Variants in FRMPD1 observed in about 807,000 individuals in gnomAD.
FRMPD1 encodes the protein FERM and PDZ domain-containing protein 1.
In FRMPD1, 76 loss-of-function variants were observed where a neutral mutation model predicts 117.8. The ratio of observed to expected loss-of-function variants is 0.65; its 90% CI spans 0.54 to 0.78. The LOEUF is 0.78. FRMPD1 is among the 30% of genes least tolerant of loss of function. The pLI, the probability that FRMPD1 is intolerant of heterozygous loss-of-function variation, is 0.00. For synonymous variants in FRMPD1, 783 were observed against 770.4 expected (o/e 1.02, Z -0.27); for missense variants, 1,786 against 1,964.5 (o/e 0.91, Z 1.72).
In FRMPD1 at chr9:37,732,288, A is replaced by G. The variant is rs767155860; in HGVS notation, c.859-16A>G. ...TCTGCTTTTGTTTCCCATCTGCTCT[A>G]TTTAATCTCTTCTAGAGCTGCAGCG... On this transcript the variant is annotated splice_polypyrimidine_tract_variant and intron_variant, in intron 9 of 15. Transcript: ENST00000377765. 4.3e-6 allele frequency: 7 copies of G among 1,612,344 alleles called. No individual in the cohort carries two copies. Among genetic ancestry groups the G allele is most frequent in the African/African-American group, 1.3e-5 (1 of 74,910 alleles).
At chr9:37,733,152 C>T (rs1823965994) in intron 10 of FRMPD1, among the ~76,000 whole-genome samples, 1 of 152,104 alleles carries the variant, frequency 6.6e-6, no homozygotes, top group Admixed American at 6.6e-5. Flanking sequence ...CTTGTACTCT[C>T]TTGTATGCTG....
chr9:37,723,058 C>T (rs1823467187), intron 6 of FRMPD1, among the ~76,000 whole-genome samples: 2 of 152,092 alleles, frequency 1.3e-5, no homozygotes, highest in African/African-American at 4.8e-5. Context: ...CCTCATGCAT[C>T]TAGGGTGATA....
chr9:37,692,014 A>G (rs1490233030), intron 1 of FRMPD1, among the ~76,000 whole-genome samples: 2 of 152,230 alleles, frequency 1.3e-5, no homozygotes, highest in Non-Finnish European at 1.5e-5. Context: ...GCAAGGAAGG[A>G]TATAAGACAG....
At chr9:37,683,181 A>C (rs1821790231) in intron 1 of FRMPD1, among the ~76,000 whole-genome samples, 1 of 152,238 alleles carries the variant, frequency 6.6e-6, no homozygotes, top group Non-Finnish European at 1.5e-5. Flanking sequence ...TTCACTTAGC[A>C]TAATGCTTTC....
intron 8 of FRMPD1, 52 bp downstream of exon 8, chr9:37,729,905 A>C: frequency 6.3e-7 from 1 of 1,588,340 alleles, no homozygotes; most frequent in East Asian, 2.2e-5. Context: ...GGCTGGCTGC[A>C]TACCTCAGCC....
rs763201256 is a variant in FRMPD1, at chr9:37,735,621, A to C, written c.1288A>C (p.Ser430Arg). The C allele has an allele frequency of 6.2e-7, 1 of 1,613,664 alleles. No individual in the cohort carries two copies. The highest frequency in any genetic ancestry group is 1.3e-5 in the African/African-American group (1 of 74,914). ...AKYGISQVIN[S>R]KLNIMSTLAE... ...GTATGGGATTAGCCAGGTTATCAAT[A>C]GCAAACTCAACATCATGTCCACATT... The change falls in exon 13 of 16, where the codon AGC (serine) becomes CGC (arginine). Residue 430 changes from serine (S) to arginine (R), a missense_variant. Ser to Arg is a moderately radical substitution (Grantham distance 110). Coordinates refer to ENST00000377765, the MANE Select transcript of FRMPD1 (RefSeq NM_014907.3).
At chr9:37,651,388 G>C (rs919767376) in intron 1 of FRMPD1, among the ~76,000 whole-genome samples, 1 of 152,214 alleles carries the variant, frequency 6.6e-6, no homozygotes, top group Admixed American at 6.5e-5. Context: ...GAGAGACCTG[G>C]GTTCAGGTGC....
intron 1 of FRMPD1, among the ~76,000 whole-genome samples, chr9:37,671,437 A>G (rs1370915663): frequency 1.3e-5 from 2 of 152,166 alleles, no homozygotes; most frequent in Non-Finnish European, 2.9e-5. Context: ...AGTTAGCACC[A>G]TTGATTTTAG....
At chr9:37,632,393 A>G in the FRMPD1 span, among the ~76,000 whole-genome samples, 1 of 152,220 alleles carries the variant, frequency 6.6e-6, no homozygotes, top group Non-Finnish European at 1.5e-5. Flanking sequence ...TTAAACAAAA[A>G]TGGAATTTAC....
rs760279541 is a variant in FRMPD1 at position 37,740,941 on chromosome 9, G to C, written c.2356+57G>C. 1.5e-6 allele frequency: 2 copies of C among 1,360,214 alleles called. No individual in the cohort carries two copies. Among genetic ancestry groups the C allele is most frequent in the African/African-American group, 2.8e-5 (2 of 70,228 alleles). 84.3% of individuals were successfully genotyped at this position (1,360,214 alleles called of 1,614,324 possible). On this transcript the variant is annotated intron_variant, in intron 15 of 15. Transcript: ENST00000377765. The surrounding 1 kb of genome is among the most constrained non-coding windows in gnomAD (Gnocchi z 4.2). Reference sequence around the variant, plus strand: ...GCAGGCAGCTCCTGAGTGCCTCCCGGGGATCAAGGCCTGGGGCCAAGCTTG... The same window carrying C: ...GCAGGCAGCTCCTGAGTGCCTCCCGCGGATCAAGGCCTGGGGCCAAGCTTG...
At chr9:37,690,540 G>A (rs1282736946) in intron 1 of FRMPD1, among the ~76,000 whole-genome samples, 1 of 152,178 alleles carries the variant, frequency 6.6e-6, no homozygotes, top group Non-Finnish European at 1.5e-5. Flanking sequence ...TGGAAACTTT[G>A]TATGATGGGT....
chr9:37,731,094 C>G lies in FRMPD1; in HGVS notation c.849C>G (p.Leu283=), dbSNP rs745751131. ...AAGACCCCGTGGCCTTTGAATACCT[C>G]TATCTGCAGGTGACTGGGTCTGTGC... ...LKEDPVAFEY[L]YLQSCSDVLQ... is the part of the protein sequence containing the mutation. The change falls in exon 9 of 16, where the codon CTC becomes CTG. Residue 283 remains leucine (L), a synonymous_variant. Transcript: ENST00000377765. The G allele has an allele frequency of 1.2e-6, 2 of 1,613,282 alleles. No individual in the cohort carries two copies. The highest frequency in any genetic ancestry group is 2.7e-5 in the African/African-American group (2 of 74,916).
chr9:37,667,798 G>A (rs1001544272), intron 1 of FRMPD1, among the ~76,000 whole-genome samples: 7 of 152,120 alleles, frequency 4.6e-5, no homozygotes, highest in African/African-American at 1.4e-4. Flanking sequence ...TTTATCCAGA[G>A]TATTCTTTGT....
chr9:37,679,388 A>G (rs757159192), intron 1 of FRMPD1, among the ~76,000 whole-genome samples: 4 of 152,220 alleles, frequency 2.6e-5, no homozygotes, highest in African/African-American at 4.8e-5. Context: ...TTCATATACC[A>G]TGCAATTTAC....
chr9:37,717,369 G>GTGTGTGTATA (rs1407798527), intron 5 of FRMPD1, among the ~76,000 whole-genome samples: 43 of 94,132 alleles, frequency 4.6e-4, no homozygotes, highest in Non-Finnish European at 6.5e-4. Context: ...GTGTGTGTGT[G>GTGTGTGTATA]TATATATATA....
chr9:37,716,890 C>T (rs1330033176), intron 5 of FRMPD1, among the ~76,000 whole-genome samples: 1 of 152,188 alleles, frequency 6.6e-6, no homozygotes, highest in East Asian at 1.9e-4. Flanking sequence ...TGCCTGATAT[C>T]TGATGACACC....
chr9:37,723,230 A>G (rs1166848233), intron 6 of FRMPD1, among the ~76,000 whole-genome samples: 1 of 152,160 alleles, frequency 6.6e-6, no homozygotes, highest in African/African-American at 2.4e-5. Flanking sequence ...CCCATGTTGA[A>G]CAGTGTGCAT....
At position 37,740,400 on chromosome 9, in the gene FRMPD1, G is replaced by T. The variant is rs1824334547; in HGVS notation, c.1872G>T (p.Arg624Ser). The T allele has an allele frequency of 6.2e-7, 1 of 1,614,016 alleles. No homozygotes were observed. The highest frequency in any genetic ancestry group is 8.5e-7 in the Non-Finnish European group (1 of 1,179,984). The change falls in exon 15 of 16, where the codon AGG (arginine) becomes AGT (serine). Residue 624 changes from arginine (R) to serine (S), a missense_variant. Transcript: ENST00000377765. The surrounding 1 kb of genome is among the most constrained non-coding windows in gnomAD (Gnocchi z 4.2). Reference protein sequence around the residue: ...EDDLDTCSSSRSTFFHFGSPG... With the variant: ...EDDLDTCSSSSSTFFHFGSPG... ...ACTTAGACACCTGCTCCTCCAGCAG[G>T]TCCACCTTCTTCCACTTTGGCTCGC...
At chr9:37,736,082 G>C (rs1274374085) in intron 13 of FRMPD1, among the ~76,000 whole-genome samples, 1 of 150,808 alleles carries the variant, frequency 6.6e-6, no homozygotes, top group Non-Finnish European at 1.5e-5. Context: ...CTCACTGCAA[G>C]CTCCGCCTCG....
Sources: gnomAD v4.1 joint callset for allele counts (sites outside exome capture counted in the v4.1 genomes callset) on GRCh38, gnomAD v4.1.1 for gene constraint, Gnocchi (gnomAD v3.1) non-coding constraint, MANE v1.5 for transcripts, NCBI Gene and HGNC (gene_info 2026-07-23, HGNC 2026-07-21) for gene names.